Variants in MAPK8IP1 observed in about 807,000 individuals in gnomAD.
MAPK8IP1 encodes the protein C-Jun-amino-terminal kinase-interacting protein 1.
Under a neutral mutation model 72.6 loss-of-function variants are expected in MAPK8IP1, and 17 were observed. The ratio of observed to expected loss-of-function variants is 0.23; its 90% CI spans 0.16 to 0.35. The LOEUF (loss-of-function observed/expected upper bound fraction) is 0.35, where lower values mean the gene tolerates loss of function less well. Among genes scored for constraint, MAPK8IP1 ranks in the 10% least tolerant of loss-of-function variants. MAPK8IP1 has a pLI of 1.00. For synonymous variants in MAPK8IP1, 401 were observed against 443.4 expected (o/e 0.90, Z 1.20); for missense variants, 789 against 1,009.7 (o/e 0.78, Z 2.96).
At position 45,893,677 on chromosome 11, in the gene MAPK8IP1, G is replaced by A. The variant is rs113904756; in HGVS notation, c.102-4408G>A. ...CCAGAGGTGAGGGAGGCCGGCCTGC[G>A]GAGGGCCGTAGGATTCAGTTTGGAG... On this transcript the variant is annotated intron_variant, in intron 1 of 11. Coordinates refer to ENST00000241014, the MANE Select transcript of MAPK8IP1 (RefSeq NM_005456.4). 4.8e-3 allele frequency among the ~76,000 whole-genome samples: 728 copies of A among 152,138 alleles called. 4 individuals carry two copies. Among genetic ancestry groups the A allele is most frequent in the African/African-American group, 0.016 (670 of 41,502 alleles).
rs1344502142 is a variant in MAPK8IP1, at chr11:45,885,788, G to C, written c.-33G>C. On this transcript the variant is annotated 5_prime_UTR_variant, in exon 1 of 12. Coordinates refer to ENST00000241014, the MANE Select transcript of MAPK8IP1 (RefSeq NM_005456.4). ...GCAGCCGCCGCCTCCTCCGCGCCGCGCTCCGCCCGGATGGCCAGGGCTGTG... is the reference window on the plus strand; with the variant it reads ...GCAGCCGCCGCCTCCTCCGCGCCGCCCTCCGCCCGGATGGCCAGGGCTGTG... 3.1e-6 allele frequency: 4 copies of C among 1,274,404 alleles called. No homozygotes were observed. Among genetic ancestry groups the C allele is most frequent in the East Asian group, 6.3e-5 (2 of 31,880 alleles). The allele number at this position is 1,274,404 out of a possible 1,614,324, so 78.9% of individuals were successfully genotyped here.
In MAPK8IP1 at chr11:45,898,176, A is replaced by G. The variant is rs761432540; in HGVS notation, c.193A>G (p.Thr65Ala). Reference sequence around the variant, plus strand: ...TGGCATCAGCTTACAGTGCAAAGACACCCTGTCCTTACGGGTAAGGGCAAG... The same window carrying G: ...TGGCATCAGCTTACAGTGCAAAGACGCCCTGTCCTTACGGGTAAGGGCAAG... The part of the protein sequence containing the change: ...ECGISLQCKD[T>A]LSLRPPRAGL... The change falls in exon 2 of 12, where the codon ACC becomes GCC. Residue 65 changes from threonine to alanine, a missense_variant. Coordinates refer to ENST00000241014, the MANE Select transcript of MAPK8IP1 (RefSeq NM_005456.4). The G allele has an allele frequency of 6.2e-7, 1 of 1,612,808 alleles. No homozygotes were observed. The highest frequency in any genetic ancestry group is 8.5e-7 in the Non-Finnish European group (1 of 1,179,396).
chr11:45,902,241 AGAGCCTGCGAAGGGCCTGTT>A lies in MAPK8IP1; in HGVS notation c.605-129_605-110del. 1 of 989,318 alleles carries A rather than the reference AGAGCCTGCGAAGGGCCTGTT, an allele frequency of 1.0e-6. No homozygotes were observed. Among genetic ancestry groups the A allele is most frequent in the Non-Finnish European group, 1.6e-6 (1 of 630,960 alleles). 61.3% of individuals were successfully genotyped at this position (989,318 alleles called of 1,614,324 possible). ...TGGCATGAGTGAGTTGACTGGCCCC[AGAGCCTGCGAAGGGCCTGTT>A]GCCCAGGGAGGCTTTGTCTTGGTTT... On this transcript the variant is annotated intron_variant, in intron 4 of 11. Transcript: ENST00000241014. This position sits in a 1 kb window ranked among gnomAD's most constrained non-coding sequence, Gnocchi z 9.3.
At chr11:45,898,248 G>T in intron 2 of MAPK8IP1, 58 bp downstream of exon 2, 4 of 1,171,234 alleles carry the variant, frequency 3.4e-6, no homozygotes, top group Non-Finnish European at 5.1e-6. Flanking sequence ...AGGGACAGGG[G>T]TAAGGGTATC....
In MAPK8IP1 at chr11:45,902,166, C is replaced by G; in HGVS notation, c.604+105C>G. ...CTCCAAAGGGCTGAGTAGAGGTGAA[C>G]TGCCCACCCACATCCCTGCACGAGC... On this transcript the variant is annotated intron_variant, in intron 4 of 11. Transcript: ENST00000241014. This position sits in a 1 kb window ranked among gnomAD's most constrained non-coding sequence, Gnocchi z 9.3. 8.9e-7 allele frequency: 1 copy of G among 1,126,620 alleles called. No individual in the cohort carries two copies. The highest frequency in any genetic ancestry group is 1.4e-6 in the Non-Finnish European group (1 of 735,700). 69.8% of individuals were successfully genotyped at this position (1,126,620 alleles called of 1,614,324 possible).
chr11:45,895,176 T>C (rs985758864), intron 1 of MAPK8IP1, among the ~76,000 whole-genome samples: 3 of 152,076 alleles, frequency 2.0e-5, no homozygotes, highest in Admixed American at 6.6e-5. Flanking sequence ...TTTCTGGCAG[T>C]TTTGCCTGAT....
Position 45,885,830 on chromosome 11 carries a change from C to T in MAPK8IP1, c.10C>T (p.Arg4Ter). ...AGGGCTGTGCCCGAGAATGGCGGAG[C>T]GAGAAAGCGGCGGCCTGGGAGGGGG... MAE[R>*]ESGGLGGGAA... The change falls in exon 1 of 12, where the codon CGA becomes TGA. Residue 4 changes from arginine to a stop codon, truncating the protein, a stop_gained. Transcript: ENST00000241014. LOFTEE classifies it high-confidence loss of function. 7.0e-7 allele frequency: 1 copy of T among 1,431,884 alleles called. No individual in the cohort carries two copies. The highest frequency in any genetic ancestry group is 9.2e-7 in the Non-Finnish European group (1 of 1,091,356). The allele number at this position is 1,431,884 out of a possible 1,614,324, so 88.7% of individuals were successfully genotyped here. A position where few individuals can be genotyped will look rare whatever the true frequency, so the allele number is the denominator to read the frequency against.
intron 1 of MAPK8IP1, chr11:45,896,580 C>T (rs1000655199): frequency 9.4e-5 from 120 of 1,272,026 alleles, no homozygotes; most frequent in Middle Eastern, 6.2e-4. Flanking sequence ...GTGAGGGAGG[C>T]GGCCACAGCG....
At chr11:45,891,799 GCAT>G (rs1660365765) in intron 1 of MAPK8IP1, among the ~76,000 whole-genome samples, 1 of 152,196 alleles carries the variant, frequency 6.6e-6, no homozygotes, top group African/African-American at 2.4e-5. Flanking sequence ...CCAAAAGACT[GCAT>G]CACATTTCAT....
chr11:45,898,246 G>T lies in MAPK8IP1; in HGVS notation c.207+56G>T, dbSNP rs756916055. The T allele has an allele frequency of 3.5e-5, 41 of 1,180,822 alleles. No individual in the cohort carries two copies. The East Asian group carries it at 9.0e-4, about 26-fold the overall frequency. The allele number at this position is 1,180,822 out of a possible 1,614,324, so 73.1% of individuals were successfully genotyped here. ...GGGGTGGCAGGAAGGCTAGGGACAG[G>T]GGTAAGGGTATCCCCATAGTGACAA... On this transcript the variant is annotated intron_variant, in intron 2 of 11. Coordinates refer to ENST00000241014, the MANE Select transcript of MAPK8IP1 (RefSeq NM_005456.4).
rs545541391 is a variant in MAPK8IP1, at chr11:45,902,187, C to T, written c.604+126C>T. 5.2e-5 allele frequency: 53 copies of T among 1,027,124 alleles called. No individual in the cohort carries two copies. In the African/African-American group the frequency reaches 6.6e-4, roughly 13 times the overall value. 63.6% of individuals were successfully genotyped at this position (1,027,124 alleles called of 1,614,324 possible). Reference sequence around the variant, plus strand: ...TGAACTGCCCACCCACATCCCTGCACGAGCCCATCCAGGGGCTGAGATCAG... The same window carrying T: ...TGAACTGCCCACCCACATCCCTGCATGAGCCCATCCAGGGGCTGAGATCAG... On this transcript the variant is annotated intron_variant, in intron 4 of 11. Coordinates refer to ENST00000241014, the MANE Select transcript of MAPK8IP1 (RefSeq NM_005456.4). This position sits in a 1 kb window ranked among gnomAD's most constrained non-coding sequence, Gnocchi z 9.3.
At chr11:45,901,815 T>A (rs1275266334) in intron 3 of MAPK8IP1, 165 bp from the exon 4 acceptor site, 1 of 751,736 alleles carries the variant, frequency 1.3e-6, no homozygotes, top group African/African-American at 1.7e-5. Flanking sequence ...TTGCCACCCT[T>A]CCTGCCTGCT....
Position 45,902,533 on chromosome 11 carries a change from C to T in MAPK8IP1, c.766C>T (p.Pro256Ser). The T allele has an allele frequency of 6.2e-7, 1 of 1,611,898 alleles. No homozygotes were observed. The highest frequency in any genetic ancestry group is 8.5e-7 in the Non-Finnish European group (1 of 1,179,560). ...APPGGPPAAPPGGRGHSHRDR... is the reference protein window; with the variant it reads ...APPGGPPAAPSGGRGHSHRDR... ...TCCGGGTGGTCCCCCTGCTGCCCCGCCTGGGGGTCGGGGCCACTCGCATCG... is the reference window on the plus strand; with the variant it reads ...TCCGGGTGGTCCCCCTGCTGCCCCGTCTGGGGGTCGGGGCCACTCGCATCG... The change falls in exon 5 of 12, where the codon CCT becomes TCT. Residue 256 changes from proline (P) to serine (S), a missense_variant. Physicochemically the swap from Pro to Ser is moderately conservative, Grantham distance 74. This residue lies in a region of MAPK8IP1 where 377 missense variants were observed against 411.7 expected (regional missense o/e 0.92). Transcript: ENST00000241014. This position sits in a 1 kb window ranked among gnomAD's most constrained non-coding sequence, Gnocchi z 9.3.
At position 45,904,787 on chromosome 11, in the gene MAPK8IP1, C is replaced by T. The variant is rs531150800; in HGVS notation, c.1846C>T (p.Arg616Trp). Residue 616 changes from arginine to tryptophan, a missense_variant, in exon 9 of 12, where the codon CGG becomes TGG. This residue lies in a region of MAPK8IP1 where 188 missense variants were observed against 293.3 expected (regional missense o/e 0.64). Coordinates refer to ENST00000241014, the MANE Select transcript of MAPK8IP1 (RefSeq NM_005456.4). This position sits in a 1 kb window ranked among gnomAD's most constrained non-coding sequence, Gnocchi z 6.4. ...PSSCVLEISV[R>W]GVKIGVKADD... ...CAGCTGTGTCCTGGAGATCAGCGTG[C>T]GGGGTGTGAAGATAGGCGTCAAGGC... 5.0e-5 allele frequency: 80 copies of T among 1,614,042 alleles called. No homozygotes were observed. The highest frequency in any genetic ancestry group is 4.9e-5 in the Non-Finnish European group (58 of 1,180,030).
intron 2 of MAPK8IP1, 41 bp downstream of exon 2, chr11:45,898,231 G>A: frequency 7.2e-7 from 1 of 1,382,896 alleles, no homozygotes; most frequent in Non-Finnish European, 1.0e-6. Flanking sequence ...GGGGTGGCAG[G>A]AAGGCTAGGG....
chr11:45,892,990 C>T (rs1190390002), intron 1 of MAPK8IP1, among the ~76,000 whole-genome samples: 1 of 152,142 alleles, frequency 6.6e-6, no homozygotes, highest in African/African-American at 2.4e-5. Flanking sequence ...AAGAGGCAGG[C>T]TGGATCCCTG....
chr11:45,899,503 G>A (rs1029956812), intron 2 of MAPK8IP1, among the ~76,000 whole-genome samples: 2 of 152,254 alleles, frequency 1.3e-5, no homozygotes, highest in African/African-American at 2.4e-5. Flanking sequence ...CCAGGGAGTT[G>A]GCGGCAGAAC....
Position 45,906,279 on chromosome 11 carries a change from G to A in MAPK8IP1, c.*558G>A, listed in dbSNP as rs986679337. On this transcript the variant is annotated 3_prime_UTR_variant, in exon 12 of 12. Coordinates refer to ENST00000241014, the MANE Select transcript of MAPK8IP1 (RefSeq NM_005456.4). The stretch of plus-strand genomic sequence containing the variant: ...GCTCCGTCATCTGCGGGGCTTCTGG[G>A]TGGCTCCTGCCACTGACCTCACCGG... The A allele has an allele frequency of 2.2e-5, 8 of 364,576 alleles. No homozygotes were observed. The highest frequency in any genetic ancestry group is 1.2e-4 in the African/African-American group (6 of 48,140). 22.6% of individuals were successfully genotyped at this position (364,576 alleles called of 1,614,324 possible).
At chr11:45,896,967 C>T (rs1361014465) in intron 1 of MAPK8IP1, 5 of 1,561,926 alleles carry the variant, frequency 3.2e-6, no homozygotes, top group Non-Finnish European at 4.3e-6. Flanking sequence ...GCTACCGGGG[C>T]TGGCGGGGGT....
Sources: gnomAD v4.1 joint callset for allele counts (sites outside exome capture counted in the v4.1 genomes callset) on GRCh38, gnomAD v4.1.1 for gene constraint, gnomAD v4.1.1 regional missense constraint, Gnocchi (gnomAD v3.1) non-coding constraint, MANE v1.5 for transcripts, NCBI Gene and HGNC (gene_info 2026-07-23, HGNC 2026-07-21) for gene names.